SPTA1: variants seen among roughly 807,000 people sequenced by gnomAD.
SPTA1 encodes the protein spectrin alpha chain, erythrocytic 1.
SPTA1 carries 177 observed loss-of-function variants against 324.7 expected under a neutral mutation model. That is an observed-to-expected ratio of 0.55 (90% CI 0.48 to 0.62). The LOEUF (loss-of-function observed/expected upper bound fraction) is 0.62. Ranked by LOEUF, SPTA1 falls within the 20% of genes least tolerant of loss-of-function variation. The pLI, the probability that SPTA1 is intolerant of heterozygous loss-of-function variation, is 0.00. For synonymous variants in SPTA1, 1,195 were observed against 1,041.3 expected, an observed-to-expected ratio of 1.15 and a Z score of -2.84; for missense variants, 3,162 against 2,883.6, an observed-to-expected ratio of 1.10 and a Z score of -2.21.
rs12128275 is a variant in SPTA1 at position 158,610,988 on chromosome 1, A to G, written c.*276T>C. On this transcript the variant is annotated 3_prime_UTR_variant, in exon 52 of 52. Transcript: ENST00000643759. The stretch of plus-strand genomic sequence containing the variant: ...AAAGACGTGCAAAACAGAACAAATA[A>G]AAATAGAAACTTTGACACCCCTCAG... The G allele has an allele frequency of 0.11, 41,298 of 374,844 alleles. 2,505 individuals are homozygous for G. Among genetic ancestry groups the G allele is most frequent in the East Asian group, 0.17 (3,396 of 19,752 alleles). The allele number at this position is 374,844 out of a possible 1,614,324, so 23.2% of individuals were successfully genotyped here.
intron 8 of SPTA1, 44 bp downstream of exon 8, chr1:158,676,097 C>T: frequency 1.2e-6 from 2 of 1,611,740 alleles, no homozygotes; most frequent in Non-Finnish European, 1.7e-6. Flanking sequence ...TATATCTGGG[C>T]CCTGTAGAGA....
intron 27 of SPTA1, among the ~76,000 whole-genome samples, chr1:158,646,530 C>A (rs1427734275): frequency 1.3e-5 from 2 of 151,824 alleles, no homozygotes; most frequent in Non-Finnish European, 2.9e-5. Flanking sequence ...GCACTAATAG[C>A]AATTAAAAAA....
intron 8 of SPTA1, 135 bp downstream of exon 8, chr1:158,676,006 T>C: frequency 2.6e-6 from 3 of 1,163,026 alleles, no homozygotes; most frequent in Non-Finnish European, 3.7e-6. Flanking sequence ...GCAACTTAAA[T>C]ATTTTGTCTC....
At chr1:158,675,388 C>G (rs1654324045) in intron 8 of SPTA1, among the ~76,000 whole-genome samples, 1 of 151,920 alleles carries the variant, frequency 6.6e-6, no homozygotes, top group African/African-American at 2.4e-5. Flanking sequence ...AGTTGCTTTT[C>G]CAGCTTTTTG....
rs1358273987 is a variant in SPTA1, at chr1:158,667,946, A to G, written c.1950T>C (p.Gly650=). ...IQKTGQEMIE[G]GHYASDNVTT... ...TCACATTGTCAGAGGCATAGTGACC[A>G]CCCTCAATCATCTCTTGGCCAGTTT... Residue 650 remains glycine (G), a synonymous_variant, in exon 15 of 52, where the codon GGT becomes GGC. Transcript: ENST00000643759. The G allele has an allele frequency of 3.1e-6, 5 of 1,613,708 alleles. No individual in the cohort carries two copies. Among genetic ancestry groups the G allele is most frequent in the Non-Finnish European group, 4.2e-6 (5 of 1,179,958 alleles).
Position 158,611,408 on chromosome 1 carries a change from G to C in SPTA1, c.7135-19C>G. The C allele has an allele frequency of 6.2e-7, 1 of 1,612,900 alleles. No homozygotes were observed. Among genetic ancestry groups the C allele is most frequent in the South Asian group, 1.1e-5 (1 of 91,042 alleles). ...TAAGGGCCTGAAAAGTATAAAAAGA[G>C]AAAAATACAGTTATAGGGATTCAAA... On this transcript the variant is annotated intron_variant, in intron 51 of 51. Coordinates refer to ENST00000643759, the MANE Select transcript of SPTA1 (RefSeq NM_003126.4).
At chr1:158,677,938 C>T (rs1664329962) in intron 6 of SPTA1, 104 bp from the exon 7 acceptor site, 3 of 1,419,292 alleles carry the variant, frequency 2.1e-6, no homozygotes, top group Non-Finnish European at 3.0e-6. Context: ...GACCCAGGAG[C>T]AATTATCCTT....
chr1:158,636,149 CGGGACTTTGTGA>C, intron 37 of SPTA1, 115 bp from the exon 38 acceptor site: 2 of 1,571,482 alleles, frequency 1.3e-6, no homozygotes, highest in Admixed American at 3.4e-5. Flanking sequence ...ATAAACTCCA[CGGGACTTTGTGA>C]GGGTCCTGAA....
chr1:158,680,810 A>G, intron 4 of SPTA1, 81 bp from the exon 5 acceptor site: 1 of 1,571,770 alleles, frequency 6.4e-7, no homozygotes, highest in Admixed American at 1.7e-5. Flanking sequence ...TCCTGCTTGC[A>G]TTCCCAGGAT....
chr1:158,620,912 C>A (rs1006990974), intron 43 of SPTA1: 9 of 160,876 alleles, frequency 5.6e-5, no homozygotes, highest in South Asian at 1.6e-4. Flanking sequence ...CCAAGAAAAT[C>A]TGTTATCTCC....
intron 43 of SPTA1, chr1:158,620,727 T>C (rs1649852334): frequency 2.6e-6 from 1 of 391,004 alleles, no homozygotes; most frequent in Non-Finnish European, 4.6e-6. Flanking sequence ...GGTCGAATTA[T>C]TTCTAAAATT....
Position 158,672,914 on chromosome 1 carries a change from C to T in SPTA1, c.1351-718G>A, listed in dbSNP as rs1042588202. Among the ~76,000 whole-genome samples, 7 of 149,772 alleles carry T rather than the reference C, an allele frequency of 4.7e-5. No homozygotes were observed. In the South Asian group the frequency reaches 8.4e-4, roughly 18 times the overall value. ...GAGTTCAAAACCAGCCTGGCCAACA[C>T]GGTGAAACCCGGTTTCTACCAAAAA... On this transcript the variant is annotated intron_variant, in intron 10 of 51. Transcript: ENST00000643759.
In SPTA1 at chr1:158,661,354, C is replaced by G. The variant is rs34577746; in HGVS notation, c.2520G>C (p.Glu840Asp). The G allele has an allele frequency of 2.3e-3, 3,746 of 1,613,906 alleles. 65 individuals carry two copies. In the African/African-American group the frequency reaches 0.044, roughly 19 times the overall value. Reference sequence around the variant, plus strand: ...TGCGTGGTTCATGGCTGGCAATGTTCTCCAGGATGACTCTATGCCTATTCA... The same window carrying G: ...TGCGTGGTTCATGGCTGGCAATGTTGTCCAGGATGACTCTATGCCTATTCA... The part of the protein sequence containing the change: ...KLLNRHRVIL[E>D]NIASHEPRIQ... The change falls in exon 18 of 52, where the codon GAG becomes GAC. Residue 840 changes from glutamate (E) to aspartate (D), a missense_variant. Physicochemically the swap from Glu to Asp is conservative, Grantham distance 45. Coordinates refer to ENST00000643759, the MANE Select transcript of SPTA1 (RefSeq NM_003126.4).
At position 158,668,159 on chromosome 1, in the gene SPTA1, G is replaced by C. The variant is rs1394490714; in HGVS notation, c.1834-97C>G. On this transcript the variant is annotated intron_variant, in intron 14 of 51. Transcript: ENST00000643759. The stretch of plus-strand genomic sequence containing the variant: ...GGTTACTTCTCACTATAAATCTAAC[G>C]AACGATGCTAACAAGAAGATAAAAG... 4.6e-6 allele frequency: 6 copies of C among 1,314,888 alleles called. No homozygotes were observed. In the Admixed American group the frequency reaches 9.3e-5, roughly 20 times the overall value. The allele number at this position is 1,314,888 out of a possible 1,614,324, so 81.5% of individuals were successfully genotyped here.
chr1:158,638,128 G>T lies in SPTA1; in HGVS notation c.5094C>A (p.Val1698=). 2 of 1,614,022 alleles carry T rather than the reference G, an allele frequency of 1.2e-6. No homozygotes were observed. The highest frequency in any genetic ancestry group is 2.2e-5 in the South Asian group (2 of 91,076). The change falls in exon 36 of 52, where the codon GTC becomes GTA. Residue 1698 remains valine (V), a synonymous_variant. Coordinates refer to ENST00000643759, the MANE Select transcript of SPTA1 (RefSeq NM_003126.4). ...CGTGGTGTGCAGCTGCCAATTCTTG[G>T]ACATTCAGGAAACGCTTGTTGACAT... ...KDNVNKRFLN[V]QELAAAHHEK...
intron 48 of SPTA1, 128 bp downstream of exon 48, chr1:158,615,088 A>G: frequency 9.9e-7 from 1 of 1,014,274 alleles, no homozygotes; most frequent in Non-Finnish European, 1.5e-6. Flanking sequence ...TGGGGCAGTA[A>G]AGACCCAGAA....
At chr1:158,666,244 T>TTAAG in intron 16 of SPTA1, 72 bp downstream of exon 16, 2 of 1,498,140 alleles carry the variant, frequency 1.3e-6, no homozygotes, top group Non-Finnish European at 1.8e-6. Context: ...TAATTACTTA[T>TTAAG]TACTTAATAA....
At chr1:158,638,489 T>C (rs1308743690) in intron 35 of SPTA1, among the ~76,000 whole-genome samples, 1 of 152,118 alleles carries the variant, frequency 6.6e-6, no homozygotes, top group East Asian at 1.9e-4. Flanking sequence ...TTTCTCCTTC[T>C]GATATTTTCA....
chr1:158,611,894 T>C (rs1196730728), intron 51 of SPTA1: 5 of 161,724 alleles, frequency 3.1e-5, no homozygotes, highest in Admixed American at 3.0e-4. Flanking sequence ...AGTGGATCCC[T>C]AAAGACTCCA....
Sources: allele counts gnomAD v4.1 joint callset (sites outside exome capture counted in the v4.1 genomes callset), GRCh38; gene constraint gnomAD v4.1.1; transcripts MANE v1.5; gene names NCBI Gene and HGNC (gene_info 2026-07-23, HGNC 2026-07-21).